SLC16A3: variants seen among roughly 807,000 people sequenced by gnomAD.
SLC16A3 encodes solute carrier family 16 member 3.
Under a neutral mutation model 25.0 loss-of-function variants are expected in SLC16A3, and 22 were observed. That is an observed-to-expected ratio of 0.88 (90% CI 0.63 to 1.26). The LOEUF (loss-of-function observed/expected upper bound fraction) is 1.26, where lower values mean the gene tolerates loss of function less well. SLC16A3 is among the 50% of genes most tolerant of loss of function. SLC16A3 has a pLI of 0.00. For synonymous variants in SLC16A3, 390 were observed against 309.2 expected (o/e 1.26, Z -2.74); for missense variants, 731 against 666.6 (o/e 1.10, Z -1.06).
At position 82,237,421 on chromosome 17, in the gene SLC16A3, G is replaced by A; in HGVS notation, c.651G>A (p.Leu217=). ...GGCCGCCGCGACCCTCCCGGCGCCT[G>A]CTAGACCTGAGCGTCTTCCGGGACC... ...GSGPPRPSRR[L]LDLSVFRDRG... The change falls in exon 4 of 5, where the codon CTG becomes CTA. Residue 217 remains leucine, a synonymous_variant. Coordinates refer to ENST00000582743, the MANE Select transcript of SLC16A3 (RefSeq NM_004207.4). 6.3e-7 allele frequency: 1 copy of A among 1,579,004 alleles called. No individual in the cohort carries two copies. The highest frequency in any genetic ancestry group is 8.6e-7 in the Non-Finnish European group (1 of 1,163,792).
At position 82,237,501 on chromosome 17, in the gene SLC16A3, T is replaced by G; in HGVS notation, c.731T>G (p.Val244Gly). 3.1e-6 allele frequency: 5 copies of G among 1,611,314 alleles called. No homozygotes were observed. Among genetic ancestry groups the G allele is most frequent in the Non-Finnish European group, 4.2e-6 (5 of 1,179,586 alleles). Residue 244 changes from valine (V) to glycine (G), a missense_variant, in exon 4 of 5, where the codon GTC becomes GGC. Coordinates refer to ENST00000582743, the MANE Select transcript of SLC16A3 (RefSeq NM_004207.4). ...TCGGTCATGGTGCTGGGGCTCTTCG[T>G]CCCGCCCGTGTTCGTGGTGAGCTAC... ...AASVMVLGLF[V>G]PPVFVVSYAK...
upstream of SLC16A3, among the ~76,000 whole-genome samples, chr17:82,225,117 C>G (rs980367531): frequency 7.9e-5 from 12 of 152,172 alleles, no homozygotes; most frequent in African/African-American, 2.4e-5. Flanking sequence ...AAAACATTAG[C>G]TGGGCGTAGT....
upstream of SLC16A3, among the ~76,000 whole-genome samples, chr17:82,226,523 A>G (rs939949602): frequency 1.3e-5 from 2 of 152,046 alleles, no homozygotes; most frequent in African/African-American, 2.4e-5. Context: ...TCTCCCCTGC[A>G]CCATCGCTGT....
intron 1 of SLC16A3, among the ~76,000 whole-genome samples, chr17:82,222,357 G>C (rs1311738910): frequency 1.3e-5 from 2 of 152,260 alleles, no homozygotes; most frequent in Non-Finnish European, 2.9e-5. Flanking sequence ...GAGAAACGAA[G>C]ACATCTGTTC....
In SLC16A3 at chr17:82,236,206, C is replaced by T. The variant is rs1169974695; in HGVS notation, c.198C>T (p.Ile66=). 1.2e-6 allele frequency: 2 copies of T among 1,612,904 alleles called. No homozygotes were observed. The highest frequency in any genetic ancestry group is 1.7e-6 in the Non-Finnish European group (2 of 1,179,968). The change falls in exon 2 of 5, where the codon ATC becomes ATT. Residue 66 remains isoleucine (I), a synonymous_variant. Coordinates refer to ENST00000582743, the MANE Select transcript of SLC16A3 (RefSeq NM_004207.4). ...GYSDTAWISS[I]LLAMLYGTGP... ...GCGACACAGCCTGGATCTCCTCCAT[C>T]CTGCTGGCCATGCTCTACGGGACAG...
intron 1 of SLC16A3, among the ~76,000 whole-genome samples, chr17:82,232,918 C>CGGGGGG (rs150048859): frequency 8.3e-4 from 39 of 47,232 alleles, no homozygotes; most frequent in East Asian, 6.4e-3. Context: ...TGGGGGGCGG[C>CGGGGGG]GGGGGGGGGG....
At position 82,237,502 on chromosome 17, in the gene SLC16A3, C is replaced by T. The variant is rs768604281; in HGVS notation, c.732C>T (p.Val244=). 1.7e-5 allele frequency: 28 copies of T among 1,611,290 alleles called. No individual in the cohort carries two copies. Among genetic ancestry groups the T allele is most frequent in the Admixed American group, 3.3e-5 (2 of 59,938 alleles). The stretch of plus-strand genomic sequence containing the variant: ...CGGTCATGGTGCTGGGGCTCTTCGT[C>T]CCGCCCGTGTTCGTGGTGAGCTACG... ...AASVMVLGLF[V]PPVFVVSYAK... Residue 244 remains valine (V), a synonymous_variant, in exon 4 of 5, where the codon GTC becomes GTT. Coordinates refer to ENST00000582743, the MANE Select transcript of SLC16A3 (RefSeq NM_004207.4).
chr17:82,232,677 G>A (rs112004357), intron 1 of SLC16A3, among the ~76,000 whole-genome samples: 4 of 152,170 alleles, frequency 2.6e-5, no homozygotes, highest in African/African-American at 7.2e-5. Context: ...CTGCACCCTC[G>A]AGGGAACTGC....
At chr17:82,236,447 G>A (rs1240007360) in intron 2 of SLC16A3, 2 of 630,278 alleles carry the variant, frequency 3.2e-6, no homozygotes, top group Non-Finnish European at 5.5e-6. Context: ...TGTCCAAACG[G>A]GTCGGCTGTA....
At chr17:82,235,646 C>CAG in intron 1 of SLC16A3, 1 of 368,396 alleles carries the variant, frequency 2.7e-6, no homozygotes. Flanking sequence ...CCAGAGCGAG[C>CAG]CAGGGCAGAA....
Position 82,237,265 on chromosome 17 carries a change from G to T in SLC16A3, c.495G>T (p.Pro165=). ...CTGTCTTCCTGTGTGCCCTGAGCCCGCTGGGGCAGCTGCTGCAGGACCGCT... is the reference window on the plus strand; with the variant it reads ...CTGTCTTCCTGTGTGCCCTGAGCCCTCTGGGGCAGCTGCTGCAGGACCGCT... The part of the protein sequence containing the change: ...GSPVFLCALS[P]LGQLLQDRYG... The change falls in exon 4 of 5, where the codon CCG becomes CCT. Residue 165 remains proline, a synonymous_variant. Transcript: ENST00000582743. 1 of 1,563,768 alleles carries T rather than the reference G, an allele frequency of 6.4e-7. No individual in the cohort carries two copies. The highest frequency in any genetic ancestry group is 2.4e-5 in the East Asian group (1 of 41,992).
At position 82,237,649 on chromosome 17, in the gene SLC16A3, C is replaced by T. The variant is rs2050643024; in HGVS notation, c.879C>T (p.Tyr293=). The T allele has an allele frequency of 6.2e-7, 1 of 1,612,862 alleles. No individual in the cohort carries two copies. Among genetic ancestry groups the T allele is most frequent in the Admixed American group, 1.7e-5 (1 of 60,012 alleles). ...FVAGLGKVRP[Y]SVYLFSFSMF... ...CGGGGCTTGGGAAGGTGCGGCCCTA[C>T]TCCGTCTACCTCTTCAGCTTCTCCA... Residue 293 remains tyrosine (Y), a synonymous_variant, in exon 4 of 5, where the codon TAC becomes TAT. Transcript: ENST00000582743.
At chr17:82,236,549 C>A in intron 2 of SLC16A3, 180 bp from the exon 3 acceptor site, 1 of 816,090 alleles carries the variant, frequency 1.2e-6, no homozygotes, top group Non-Finnish European at 1.9e-6. Flanking sequence ...GCCCAGCAGG[C>A]GGCGCTCACG....
chr17:82,235,940 A>C, intron 1 of SLC16A3, 43 bp from the exon 2 acceptor site: 1 of 1,368,646 alleles, frequency 7.3e-7, no homozygotes. Flanking sequence ...TGCAGCTGGG[A>C]TGGTCACCCG....
intron 1 of SLC16A3, among the ~76,000 whole-genome samples, chr17:82,222,561 TG>T (rs2050395687): frequency 6.6e-6 from 1 of 152,108 alleles, no homozygotes; most frequent in African/African-American, 2.4e-5. Flanking sequence ...CCCAGCACTT[TG>T]GGAGGTCGAG....
At chr17:82,223,293 C>T (rs1313679500) in intron 1 of SLC16A3, among the ~76,000 whole-genome samples, 1 of 152,148 alleles carries the variant, frequency 6.6e-6, no homozygotes, top group Non-Finnish European at 1.5e-5. Flanking sequence ...AGCAATTTTC[C>T]TGCCTCAGTC....
intron 1 of SLC16A3, chr17:82,234,047 A>G (rs186603691): frequency 0.058 from 3,482 of 60,084 alleles, 61 homozygotes; most frequent in South Asian, 0.096. Context: ...TCACCGTGTT[A>G]GCCAGGATGG....
intron 1 of SLC16A3, 21 bp from the exon 2 acceptor site, chr17:82,235,952 GCAGCCTGAGT>G: frequency 1.4e-6 from 2 of 1,466,090 alleles, no homozygotes; most frequent in Non-Finnish European, 9.3e-7. Flanking sequence ...GGTCACCCGG[GCAGCCTGAGT>G]CAGCCTGCTT....
intron 1 of SLC16A3, chr17:82,232,339 C>G (rs987564282): frequency 1.3e-5 from 2 of 152,538 alleles, no homozygotes; most frequent in Admixed American, 6.5e-5. Flanking sequence ...GCGCTGCGCA[C>G]AAACCTGAGG....
Sources: allele counts gnomAD v4.1 joint callset (sites outside exome capture counted in the v4.1 genomes callset), GRCh38; gene constraint gnomAD v4.1.1; transcripts MANE v1.5; gene names NCBI Gene and HGNC (gene_info 2026-07-23, HGNC 2026-07-21).